The following NCAM2 variants were observed in gnomAD, a reference collection of about 807,000 sequenced individuals.
NCAM2 encodes neural cell adhesion molecule 2, also known as N-CAM-2.
NCAM2 carries 30 observed loss-of-function variants against 98.1 expected under a neutral mutation model. That is an observed-to-expected ratio of 0.31 (90% CI 0.23 to 0.41). The LOEUF (loss-of-function observed/expected upper bound fraction) is 0.41, where lower values mean the gene tolerates loss of function less well. Ranked by LOEUF, NCAM2 falls within the 10% of genes least tolerant of loss-of-function variation. The pLI, the probability that NCAM2 is intolerant of heterozygous loss-of-function variation, is 1.00. For synonymous variants in NCAM2, 368 were observed against 342.4 expected (o/e 1.07, Z -0.83); for missense variants, 867 against 1,005.8 (o/e 0.86, Z 1.87).
chr21:21,145,167 T>C (rs1161892869), intron 1 of NCAM2, among the ~76,000 whole-genome samples: 1 of 152,126 alleles, frequency 6.6e-6, no homozygotes, highest in Non-Finnish European at 1.5e-5. Context: ...CAAGAAAACC[T>C]CTGACAATAA....
chr21:21,255,245 T>A (rs1046561946), intron 1 of NCAM2, among the ~76,000 whole-genome samples: 1 of 152,164 alleles, frequency 6.6e-6, no homozygotes, highest in Admixed American at 6.5e-5. Context: ...GGAACAGGCC[T>A]TAGCTTATGA....
chr21:21,041,861 A>G (rs1215518247), intron 1 of NCAM2, among the ~76,000 whole-genome samples: 1 of 152,178 alleles, frequency 6.6e-6, no homozygotes, highest in African/African-American at 2.4e-5. Context: ...TAGTCATCAG[A>G]CAAATAATTA....
intron 14 of NCAM2, among the ~76,000 whole-genome samples, chr21:21,473,609 T>C (rs1238279002): frequency 6.6e-6 from 1 of 151,746 alleles, no homozygotes; most frequent in Non-Finnish European, 1.5e-5. Flanking sequence ...ATCTTGCTTA[T>C]ATGAGCTCAC....
At chr21:21,248,085 A>G (rs1435237106) in intron 1 of NCAM2, among the ~76,000 whole-genome samples, 1 of 151,314 alleles carries the variant, frequency 6.6e-6, no homozygotes, top group East Asian at 2.0e-4. Context: ...ATAATATTAT[A>G]TAAGTATGTG....
chr21:21,092,744 T>C (rs2066038805), intron 1 of NCAM2, among the ~76,000 whole-genome samples: 1 of 151,954 alleles, frequency 6.6e-6, no homozygotes, highest in Admixed American at 6.6e-5. Flanking sequence ...ATGTGATACA[T>C]AATTACATAC....
intron 5 of NCAM2, among the ~76,000 whole-genome samples, chr21:21,312,826 A>C (rs1409439859): frequency 6.6e-6 from 1 of 151,940 alleles, no homozygotes; most frequent in Non-Finnish European, 1.5e-5. Flanking sequence ...TTTTAAATTC[A>C]ACAGATAAAC....
Position 21,456,629 on chromosome 21 carries a change from A to T in NCAM2, c.1655-9977A>T, listed in dbSNP as rs186227449. ...AATAGATTAAAGACTTAAAGGTAAA[A>T]CCTGAGCCCATAAATCTACTAGAAG... On this transcript the variant is annotated intron_variant, in intron 12 of 17. Coordinates refer to ENST00000400546, the MANE Select transcript of NCAM2 (RefSeq NM_004540.5). Among the ~76,000 whole-genome samples, 406 of 152,242 alleles carry T rather than the reference A, an allele frequency of 2.7e-3. 4 individuals carry two copies. The highest frequency in any genetic ancestry group is 0.011 in the Admixed American group (167 of 15,286).
At chr21:21,430,414 T>C (rs2077308908) in intron 11 of NCAM2, among the ~76,000 whole-genome samples, 1 of 94,602 alleles carries the variant, frequency 1.1e-5, no homozygotes, top group Admixed American at 9.8e-5. Flanking sequence ...TAGCCCATTC[T>C]CACACTGCTA....
intron 17 of NCAM2, among the ~76,000 whole-genome samples, chr21:21,536,088 T>C (rs1240648015): frequency 6.6e-6 from 1 of 152,128 alleles, no homozygotes; most frequent in East Asian, 1.9e-4. Context: ...TTTTCAGTAC[T>C]TGTGAATGCT....
intron 4 of NCAM2, among the ~76,000 whole-genome samples, chr21:21,287,313 G>T (rs1264841967): frequency 1.3e-5 from 2 of 152,110 alleles, no homozygotes; most frequent in South Asian, 4.1e-4. Flanking sequence ...TTTTGAATAT[G>T]TGGGGAGAAT....
chr21:21,345,634 A>G (rs2218432), intron 8 of NCAM2, among the ~76,000 whole-genome samples: 1,897 of 152,276 alleles, frequency 0.012, 43 homozygotes, highest in African/African-American at 0.044. Flanking sequence ...AATAGCCTCA[A>G]AATGAAAATC....
At position 21,542,308 on chromosome 21, in the gene NCAM2, T is replaced by TA; in HGVS notation, c.*4354dup. ...AATAGATTAATTATATCTTCTCATA[T>TA]AAAGGCAAAGAATTTTATATTATAT... On this transcript the variant is annotated 3_prime_UTR_variant, in exon 18 of 18. Coordinates refer to ENST00000400546, the MANE Select transcript of NCAM2 (RefSeq NM_004540.5). 1 of 151,902 alleles carries TA rather than the reference T, an allele frequency of 6.6e-6. No homozygotes were observed. Among genetic ancestry groups the TA allele is most frequent in the South Asian group, 2.1e-4 (1 of 4,824 alleles). 9.4% of individuals were successfully genotyped at this position (151,902 alleles called of 1,614,324 possible). A position where few individuals can be genotyped will look rare whatever the true frequency, so the allele number is the denominator to read the frequency against.
In NCAM2 at chr21:21,244,849, A is replaced by AG. The variant is rs1185389169; in HGVS notation, c.56-35729_56-35728insG. Among the ~76,000 whole-genome samples, 4 of 149,428 alleles carry AG rather than the reference A, an allele frequency of 2.7e-5. No homozygotes were observed. The East Asian group carries it at 7.8e-4, about 29-fold the overall frequency. On this transcript the variant is annotated intron_variant, in intron 1 of 17. Transcript: ENST00000400546. ...GGACAGAGTGAGACTCTGTCTAAAA[A>AG]AAAAAAAAAAAAAAAGGACATACGG...
chr21:21,002,850 G>A (rs571893138), intron 1 of NCAM2, among the ~76,000 whole-genome samples: 1 of 151,988 alleles, frequency 6.6e-6, no homozygotes, highest in Admixed American at 6.6e-5. Context: ...TAAATTTATT[G>A]TTCCCTTTAT....
At chr21:21,015,422 G>A (rs1358905791) in intron 1 of NCAM2, among the ~76,000 whole-genome samples, 1 of 152,178 alleles carries the variant, frequency 6.6e-6, no homozygotes, top group East Asian at 1.9e-4. Context: ...TTTACATGGA[G>A]GCAAGACCCT....
chr21:21,132,331 G>A (rs866897746), intron 1 of NCAM2, among the ~76,000 whole-genome samples: 3 of 151,574 alleles, frequency 2.0e-5, no homozygotes, highest in African/African-American at 7.3e-5. Flanking sequence ...GTGCCACTAG[G>A]ATAATTCAGG....
intron 1 of NCAM2, among the ~76,000 whole-genome samples, chr21:21,165,924 T>C (rs1337796970): frequency 6.6e-6 from 1 of 152,186 alleles, no homozygotes; most frequent in Admixed American, 6.5e-5. Flanking sequence ...CTAAGATTGC[T>C]ATAATTTAAT....
rs1990163333 is a variant in NCAM2, at chr21:21,539,943, T to C, written c.*1986T>C. ...TTTGTTTTGTTTTGTACCAGTGTAC[T>C]AAAACTAGTCAAAATACTTGAATTA... On this transcript the variant is annotated 3_prime_UTR_variant, in exon 18 of 18. Coordinates refer to ENST00000400546, the MANE Select transcript of NCAM2 (RefSeq NM_004540.5). The C allele has an allele frequency of 6.6e-6, 1 of 152,178 alleles. No individual in the cohort carries two copies. Among genetic ancestry groups the C allele is most frequent in the South Asian group, 2.1e-4 (1 of 4,836 alleles). 9.4% of individuals were successfully genotyped at this position (152,178 alleles called of 1,614,324 possible).
chr21:21,480,094 C>T (rs1357753755), intron 15 of NCAM2, among the ~76,000 whole-genome samples: 2 of 152,130 alleles, frequency 1.3e-5, no homozygotes, highest in South Asian at 2.1e-4. Flanking sequence ...TGGCCGGGCG[C>T]GGTGGCTCAC....
Sources: gnomAD v4.1 joint callset for allele counts (sites outside exome capture counted in the v4.1 genomes callset) on GRCh38, gnomAD v4.1.1 for gene constraint, MANE v1.5 for transcripts, NCBI Gene and HGNC (gene_info 2026-07-23, HGNC 2026-07-21) for gene names.